Variants in RAB3GAP1 observed in about 807,000 individuals in gnomAD.
RAB3GAP1 encodes rab3 GTPase-activating protein catalytic subunit.
Under a neutral mutation model 130.7 loss-of-function variants are expected in RAB3GAP1, and 86 were observed. The ratio of observed to expected loss-of-function variants is 0.66; its 90% CI spans 0.55 to 0.79. RAB3GAP1 has a LOEUF of 0.79. RAB3GAP1 is among the 30% of genes least tolerant of loss of function. The probability of loss-of-function intolerance (pLI) is 0.00; values close to 1 mark genes in which losing one functional copy is unlikely to be tolerated. For synonymous variants in RAB3GAP1, 367 were observed against 401.7 expected, an observed-to-expected ratio of 0.91 and a Z score of 1.03; for missense variants, 1,029 against 1,169.4, an observed-to-expected ratio of 0.88 and a Z score of 1.75.
chr2:135,124,395 C>A, intron 9 of RAB3GAP1, 149 bp downstream of exon 9: 1 of 900,540 alleles, frequency 1.1e-6, no homozygotes, highest in Non-Finnish European at 1.7e-6. Flanking sequence ...GGGCTGGGCA[C>A]AGGCTCATGC....
At chr2:135,111,588 C>CA (rs1384300657) in intron 5 of RAB3GAP1, among the ~76,000 whole-genome samples, 3 of 152,292 alleles carry the variant, frequency 2.0e-5, no homozygotes, top group Admixed American at 6.5e-5. Flanking sequence ...AGGACATATA[C>CA]ATCATTGCTG....
rs934705186 is a variant in RAB3GAP1, at chr2:135,089,772, C to T, written c.151-1226C>T. The T allele has an allele frequency of 2.4e-4, 83 of 344,822 alleles. 2 individuals carry two copies. Among genetic ancestry groups the T allele is most frequent in the South Asian group, 1.2e-3 (57 of 46,078 alleles). The allele number at this position is 344,822 out of a possible 1,614,324, so 21.4% of individuals were successfully genotyped here. On this transcript the variant is annotated intron_variant, in intron 3 of 23. Coordinates refer to ENST00000264158, the MANE Select transcript of RAB3GAP1 (RefSeq NM_012233.3). ...ATGCAGCCATAAAAAAGGATGAGTT[C>T]ATGTCCTTTGTAGGGACATGGATGA...
intron 18 of RAB3GAP1, among the ~76,000 whole-genome samples, chr2:135,153,236 GTTA>G (rs1692222682): frequency 6.6e-6 from 1 of 152,126 alleles, no homozygotes; most frequent in African/African-American, 2.4e-5. Context: ...GTATTGAGTA[GTTA>G]TTATACTGTA....
chr2:135,116,317 A>G (rs544490744), intron 7 of RAB3GAP1, among the ~76,000 whole-genome samples: 3 of 151,948 alleles, frequency 2.0e-5, no homozygotes, highest in South Asian at 4.1e-4. Flanking sequence ...TAATTATGAT[A>G]TATAATTATA....
At chr2:135,162,691 G>A (rs760851142) in intron 20 of RAB3GAP1, 40 bp downstream of exon 20, 1 of 1,606,898 alleles carries the variant, frequency 6.2e-7, no homozygotes, top group South Asian at 1.1e-5. Context: ...CATTTCCAAA[G>A]TGAAAGTATA....
chr2:135,081,361 TACACACAC>T (rs1689813132), intron 3 of RAB3GAP1, among the ~76,000 whole-genome samples: 1 of 71,270 alleles, frequency 1.4e-5, no homozygotes, highest in Non-Finnish European at 2.3e-5. Context: ...TATATATATA[TACACACAC>T]GTGTGTGTGT....
intron 17 of RAB3GAP1, 90 bp from the exon 18 acceptor site, chr2:135,150,279 C>T (rs1368893651): frequency 2.1e-5 from 31 of 1,499,728 alleles, no homozygotes; most frequent in Non-Finnish European, 2.6e-5. Context: ...ACTGCTATAG[C>T]TGAAATGACT....
chr2:135,117,480 T>G (rs1041083344), intron 7 of RAB3GAP1, among the ~76,000 whole-genome samples: 61 of 136,980 alleles, frequency 4.5e-4, no homozygotes, highest in Admixed American at 7.5e-4. Context: ...TTCTGCTTCT[T>G]CTGCTTCTTC....
intron 3 of RAB3GAP1, among the ~76,000 whole-genome samples, chr2:135,082,161 G>GAAGGAATGAATGAATGAATA (rs1689842944): frequency 2.7e-5 from 4 of 150,250 alleles, no homozygotes; most frequent in African/African-American, 9.9e-5. Flanking sequence ...ATGAATGAAT[G>GAAGGAATGAATGAATGAATA]AATAAATAAA....
chr2:135,093,474 C>A, intron 4 of RAB3GAP1, 141 bp from the exon 5 acceptor site: 2 of 675,168 alleles, frequency 3.0e-6, no homozygotes, highest in East Asian at 2.7e-5. Flanking sequence ...TCCCTGTACT[C>A]AAGAGCTATC....
chr2:135,061,856 C>CT (rs1036112897), intron 3 of RAB3GAP1, among the ~76,000 whole-genome samples: 10 of 151,580 alleles, frequency 6.6e-5, no homozygotes, highest in South Asian at 2.1e-4. Flanking sequence ...TTTCTTCTTC[C>CT]TTTTTTTTGT....
chr2:135,102,783 A>T (rs1206455903), intron 5 of RAB3GAP1, among the ~76,000 whole-genome samples: 1 of 152,010 alleles, frequency 6.6e-6, no homozygotes, highest in Non-Finnish European at 1.5e-5. Flanking sequence ...TGGGATGCCA[A>T]GGCGGGCGGA....
rs1007754717 is a variant in RAB3GAP1 at position 135,126,876 on chromosome 2, CT to C, written c.973+228del. 9.1e-4 allele frequency among the ~76,000 whole-genome samples: 139 copies of C among 151,932 alleles called. 1 individual carries two copies. Among genetic ancestry groups the C allele is most frequent in the African/African-American group, 3.0e-3 (124 of 41,466 alleles). On this transcript the variant is annotated intron_variant, in intron 11 of 23. Coordinates refer to ENST00000264158, the MANE Select transcript of RAB3GAP1 (RefSeq NM_012233.3). ...TTTATGTTTCTGATGCTTTTATTTACTTTTTTTTATTTATTTTTTATTTTTT... is the reference window on the plus strand; with the variant it reads ...TTTATGTTTCTGATGCTTTTATTTACTTTTTTTATTTATTTTTTATTTTTT...
intron 4 of RAB3GAP1, among the ~76,000 whole-genome samples, chr2:135,092,703 G>C (rs1013095489): frequency 3.3e-5 from 5 of 152,186 alleles, no homozygotes; most frequent in African/African-American, 9.7e-5. Context: ...CTTCCAAAGT[G>C]CTGGGATTAC....
chr2:135,102,695 T>C (rs758100325), intron 5 of RAB3GAP1, among the ~76,000 whole-genome samples: 1 of 152,186 alleles, frequency 6.6e-6, no homozygotes, highest in Non-Finnish European at 1.5e-5. Context: ...AACTGTGTAG[T>C]TGAATAATTA....
At chr2:135,162,693 G>C in intron 20 of RAB3GAP1, 42 bp downstream of exon 20, 2 of 1,605,798 alleles carry the variant, frequency 1.2e-6, no homozygotes, top group Non-Finnish European at 1.7e-6. Flanking sequence ...TTTCCAAAGT[G>C]AAAGTATATT....
At chr2:135,071,704 T>G (rs1689476707) in intron 3 of RAB3GAP1, among the ~76,000 whole-genome samples, 1 of 152,164 alleles carries the variant, frequency 6.6e-6, no homozygotes. Context: ...TTCCATGTTG[T>G]TGTTTACCTA....
At chr2:135,158,814 C>G (rs549670563) in intron 19 of RAB3GAP1, among the ~76,000 whole-genome samples, 1 of 152,050 alleles carries the variant, frequency 6.6e-6, no homozygotes, top group African/African-American at 2.4e-5. Flanking sequence ...AAATGGAGAT[C>G]GTACACATTG....
intron 5 of RAB3GAP1, among the ~76,000 whole-genome samples, chr2:135,094,545 C>T (rs1387842361): frequency 6.6e-6 from 1 of 152,166 alleles, no homozygotes; most frequent in African/African-American, 2.4e-5. Flanking sequence ...CCCTGCTCCC[C>T]ATTACCCTTC....
Sources: allele counts gnomAD v4.1 joint callset (sites outside exome capture counted in the v4.1 genomes callset), GRCh38; gene constraint gnomAD v4.1.1; transcripts MANE v1.5; gene names NCBI Gene and HGNC (gene_info 2026-07-23, HGNC 2026-07-21).